Variants in RASGRF1 observed in about 807,000 individuals in gnomAD.
RASGRF1 encodes the protein ras-specific guanine nucleotide-releasing factor 1.
Under a neutral mutation model 138.7 loss-of-function variants are expected in RASGRF1, and 40 were observed. That is an observed-to-expected ratio of 0.29 (90% CI 0.22 to 0.38). The LOEUF (loss-of-function observed/expected upper bound fraction) is 0.38. Ranked by LOEUF, RASGRF1 falls within the 10% of genes least tolerant of loss-of-function variation. The pLI, the probability that RASGRF1 is intolerant of heterozygous loss-of-function variation, is 1.00. For missense variants in RASGRF1, 1,108 were observed against 1,650.4 expected (o/e 0.67, Z 5.69); for synonymous variants, 614 against 663.2 (o/e 0.93, Z 1.14).
rs368433467 is a variant in RASGRF1 at position 79,046,804 on chromosome 15, C to T, written c.820G>A (p.Ala274Thr). ...NNFLRPLRMA[A>T]SSKKPPITHD... is the part of the protein sequence containing the mutation. ...GTGATGGGAGGCTTCTTGGAGCTGG[C>T]GGCCATCCGCAGCGGGCGCAGGAAA... The change falls in exon 5 of 27, where the codon GCC becomes ACC. Residue 274 changes from alanine (A) to threonine (T), a missense_variant. Physicochemically the swap from Ala to Thr is moderately conservative, Grantham distance 58. This residue lies in a region of RASGRF1 where 169 missense variants were observed against 344.2 expected (regional missense o/e 0.49). Transcript: ENST00000558480. The surrounding 1 kb of genome is among the most constrained non-coding windows in gnomAD (Gnocchi z 5.3). The T allele has an allele frequency of 7.4e-6, 12 of 1,614,082 alleles. No homozygotes were observed. The highest frequency in any genetic ancestry group is 1.1e-5 in the South Asian group (1 of 91,082).
chr15:78,966,740 A>C (rs1464016709), intron 26 of RASGRF1, among the ~76,000 whole-genome samples: 1 of 152,070 alleles, frequency 6.6e-6, no homozygotes, highest in Non-Finnish European at 1.5e-5. Context: ...AGAGATAGCC[A>C]TTTTCAGTTC....
intron 1 of RASGRF1, 44 bp from the exon 2 acceptor site, chr15:79,064,570 G>C (rs772373404): frequency 1.6e-5 from 25 of 1,575,250 alleles, no homozygotes; most frequent in Non-Finnish European, 1.8e-5. Flanking sequence ...AGTGTCCATG[G>C]GACCAACAAC....
chr15:79,039,773 T>G (rs538578341), intron 5 of RASGRF1, among the ~76,000 whole-genome samples: 1 of 152,252 alleles, frequency 6.6e-6, no homozygotes, highest in African/African-American at 2.4e-5. Flanking sequence ...AAACTACTGA[T>G]TTTTCTTTTT....
intron 8 of RASGRF1, among the ~76,000 whole-genome samples, chr15:79,031,042 C>T (rs1261157135): frequency 6.6e-6 from 1 of 152,200 alleles, no homozygotes; most frequent in African/African-American, 2.4e-5. Context: ...CACCCAGGAC[C>T]CCCTCTGGGC....
Position 79,074,254 on chromosome 15 carries a change from T to TCC in RASGRF1, c.277-9729_277-9728insGG, listed in dbSNP as rs774709837. On this transcript the variant is annotated intron_variant, in intron 1 of 26. Transcript: ENST00000558480. ...TAGGTGATTCCGTACATGCTCATGC[T>TCC]TCAAGGGGAACTGATAAGCCCATGG... 1.1e-3 allele frequency among the ~76,000 whole-genome samples: 175 copies of TCC among 152,366 alleles called. 1 individual carries two copies. The highest frequency in any genetic ancestry group is 2.0e-3 in the Non-Finnish European group (136 of 68,038).
In RASGRF1 at chr15:78,972,637, G is replaced by T. The variant is rs557268838; in HGVS notation, c.3612+666C>A. On this transcript the variant is annotated intron_variant, in intron 25 of 26. Coordinates refer to ENST00000558480, the MANE Select transcript of RASGRF1 (RefSeq NM_001145648.3). The stretch of plus-strand genomic sequence containing the variant: ...ATGAAAAGCAGCTTTCGCTCTTCAG[G>T]ATGGTGCCTGAAAAAACCCTTTCCA... Among the ~76,000 whole-genome samples, 111 of 152,214 alleles carry T rather than the reference G, an allele frequency of 7.3e-4. 1 individual carries two copies. The highest frequency in any genetic ancestry group is 2.6e-3 in the African/African-American group (107 of 41,522).
At position 79,058,226 on chromosome 15, in the gene RASGRF1, T is replaced by A. The variant is rs546262107; in HGVS notation, c.531+108A>T. The stretch of plus-strand genomic sequence containing the variant: ...AAGTTTGGAGTCTGGAAGAACTGCA[T>A]CTGGGAGCTGCTTTCCCTGCCTGTC... On this transcript the variant is annotated intron_variant, in intron 3 of 26. Transcript: ENST00000558480. The A allele has an allele frequency of 6.7e-5, 99 of 1,487,962 alleles. No individual in the cohort carries two copies. The East Asian group carries it at 2.1e-3, about 32-fold the overall frequency. 92.2% of individuals were successfully genotyped at this position (1,487,962 alleles called of 1,614,324 possible).
Position 79,046,283 on chromosome 15 carries a change from G to A in RASGRF1, c.878+463C>T, listed in dbSNP as rs2057353608. ...TACTTTAGTTTACGTTTTGTAGCTT[G>A]ATTTATAACTCTTAAACATTTAAAC... On this transcript the variant is annotated intron_variant, in intron 5 of 26. Coordinates refer to ENST00000558480, the MANE Select transcript of RASGRF1 (RefSeq NM_001145648.3). This position sits in a 1 kb window ranked among gnomAD's most constrained non-coding sequence, Gnocchi z 5.3. Among the ~76,000 whole-genome samples the A allele has an allele frequency of 6.6e-6, 1 of 152,218 alleles. No homozygotes were observed. Among genetic ancestry groups the A allele is most frequent in the Non-Finnish European group, 1.5e-5 (1 of 68,036 alleles).
intron 24 of RASGRF1, among the ~76,000 whole-genome samples, chr15:78,977,735 G>A (rs1462201932): frequency 6.6e-6 from 1 of 152,206 alleles, no homozygotes; most frequent in African/African-American, 2.4e-5. Context: ...TACAATAACA[G>A]CCTGTCCCCC....
chr15:79,007,561 T>TTG (rs2056706338), intron 13 of RASGRF1, among the ~76,000 whole-genome samples: 2 of 150,222 alleles, frequency 1.3e-5, no homozygotes, highest in Non-Finnish European at 3.0e-5. Context: ...TTTTTTTTTT[T>TTG]TTTTAATGAG....
chr15:78,966,387 C>T (rs1452062064), intron 26 of RASGRF1, among the ~76,000 whole-genome samples: 1 of 151,718 alleles, frequency 6.6e-6, no homozygotes, highest in African/African-American at 2.4e-5. Flanking sequence ...CAGGCATGAG[C>T]CACTACGCCT....
intron 1 of RASGRF1, among the ~76,000 whole-genome samples, chr15:79,074,889 T>C (rs1405123785): frequency 6.6e-6 from 1 of 152,208 alleles, no homozygotes; most frequent in African/African-American, 2.4e-5. Flanking sequence ...AGAGCTTTCC[T>C]AGACCTGAAG....
intron 26 of RASGRF1, 105 bp downstream of exon 26, chr15:78,971,761 A>G: frequency 9.1e-7 from 1 of 1,099,066 alleles, no homozygotes; most frequent in Non-Finnish European, 1.4e-6. Flanking sequence ...GCTCGAGAGA[A>G]TTCTGGAAGG....
Position 79,090,598 on chromosome 15 carries a change from C to G in RASGRF1, c.-100G>C. ...GCGCTGCCTCTCTCTGGCGCTCGCT[C>G]GCTCGCTCCCTCTAGCTCTCCCCTC... On this transcript the variant is annotated 5_prime_UTR_variant, in exon 1 of 27. Coordinates refer to ENST00000558480, the MANE Select transcript of RASGRF1 (RefSeq NM_001145648.3). The G allele has an allele frequency of 1.3e-6, 2 of 1,513,074 alleles. No individual in the cohort carries two copies. The highest frequency in any genetic ancestry group is 1.8e-6 in the Non-Finnish European group (2 of 1,119,868). The allele number at this position is 1,513,074 out of a possible 1,614,324, so 93.7% of individuals were successfully genotyped here.
At chr15:79,051,480 G>A (rs1051518057) in intron 3 of RASGRF1, among the ~76,000 whole-genome samples, 6 of 148,342 alleles carry the variant, frequency 4.0e-5, no homozygotes, top group East Asian at 4.0e-4. Context: ...CACACACACC[G>A]CCTTTGGAGC....
chr15:79,049,468 G>GA (rs1251212123), intron 4 of RASGRF1, 28 bp downstream of exon 4: 2 of 1,607,010 alleles, frequency 1.2e-6, no homozygotes, highest in South Asian at 2.2e-5. Context: ...GAGCTCCAAA[G>GA]AAGGCCACCC....
chr15:79,076,528 G>A (rs1276752451), intron 1 of RASGRF1, among the ~76,000 whole-genome samples: 2 of 152,212 alleles, frequency 1.3e-5, no homozygotes, highest in African/African-American at 2.4e-5. Context: ...AGGCTCCTGG[G>A]AATGTGGCAT....
Position 79,059,149 on chromosome 15 carries a change from C to A in RASGRF1, c.384-668G>T, listed in dbSNP as rs118174259. Among the ~76,000 whole-genome samples, 89 of 151,816 alleles carry A rather than the reference C, an allele frequency of 5.9e-4. No homozygotes were observed. In the East Asian group the frequency reaches 0.011, roughly 20 times the overall value. On this transcript the variant is annotated intron_variant, in intron 2 of 26. Transcript: ENST00000558480. ...TCCTCTCCTTCCTCCTTTCTTTTCC[C>A]TTCCCTATCCTTCCCTTCCCTTCCC...
chr15:79,006,625 C>A lies in RASGRF1; in HGVS notation c.1827-191G>T, dbSNP rs76853301. On this transcript the variant is annotated intron_variant, in intron 13 of 26. Coordinates refer to ENST00000558480, the MANE Select transcript of RASGRF1 (RefSeq NM_001145648.3). The surrounding 1 kb of genome is among the most constrained non-coding windows in gnomAD (Gnocchi z 4.0). ...TTTTCCCAATATCCTAAAAACTCTC[C>A]ATTATAAAACCCCTAGAAATACTGG... Among the ~76,000 whole-genome samples the A allele has an allele frequency of 6.6e-6, 1 of 152,174 alleles. No individual in the cohort carries two copies. The highest frequency in any genetic ancestry group is 1.5e-5 in the Non-Finnish European group (1 of 68,036).
Sources: gnomAD v4.1 joint callset for allele counts (sites outside exome capture counted in the v4.1 genomes callset) on GRCh38, gnomAD v4.1.1 for gene constraint, gnomAD v4.1.1 regional missense constraint, Gnocchi (gnomAD v3.1) non-coding constraint, MANE v1.5 for transcripts, NCBI Gene and HGNC (gene_info 2026-07-23, HGNC 2026-07-21) for gene names.